Variants in SMOC2 observed in about 807,000 individuals in gnomAD.
The protein encoded by SMOC2 is SPARC-related modular calcium-binding protein 2.
A neutral mutation model predicts 61.4 loss-of-function variants in SMOC2; 39 were observed. The ratio of observed to expected loss-of-function variants is 0.64; its 90% CI spans 0.49 to 0.83. The LOEUF is 0.83. Among genes scored for constraint, SMOC2 ranks in the 40% least tolerant of loss-of-function variants. The pLI, the probability that SMOC2 is intolerant of heterozygous loss-of-function variation, is 0.00. For synonymous variants in SMOC2, 247 were observed against 239.9 expected (o/e 1.03, Z -0.27); for missense variants, 556 against 592.9 (o/e 0.94, Z 0.65).
intron 1 of SMOC2, among the ~76,000 whole-genome samples, chr6:168,446,451 G>A (rs1781334841): frequency 6.6e-6 from 1 of 152,216 alleles, no homozygotes; most frequent in Non-Finnish European, 1.5e-5. Context: ...TTTGAAGTTA[G>A]AGGAGAAAAT....
chr6:168,549,005 A>T (rs775744391), intron 6 of SMOC2, 124 bp from the exon 7 acceptor site: 13 of 714,106 alleles, frequency 1.8e-5, no homozygotes, highest in Non-Finnish European at 2.3e-5. Context: ...TTTCTTTACA[A>T]ATGTACAATG....
chr6:168,517,293 G>A (rs1057106675), intron 2 of SMOC2, among the ~76,000 whole-genome samples: 11 of 152,202 alleles, frequency 7.2e-5, no homozygotes, highest in Non-Finnish European at 1.0e-4. Context: ...GGCCAGCGGC[G>A]CCGTGGCCTG....
chr6:168,505,604 T>A (rs1446554156), intron 1 of SMOC2, among the ~76,000 whole-genome samples: 1 of 152,250 alleles, frequency 6.6e-6, no homozygotes, highest in African/African-American at 2.4e-5. Flanking sequence ...AATGACTGAA[T>A]GAAATGTCCG....
intron 1 of SMOC2, among the ~76,000 whole-genome samples, chr6:168,500,248 C>G (rs1211379107): frequency 1.4e-5 from 2 of 142,204 alleles, no homozygotes; most frequent in African/African-American, 5.3e-5. Context: ...GATCGCCCCA[C>G]TGCACTCCAG....
chr6:168,576,814 G>A (rs1287096280), intron 7 of SMOC2, among the ~76,000 whole-genome samples: 2 of 152,114 alleles, frequency 1.3e-5, no homozygotes, highest in Non-Finnish European at 2.9e-5. Flanking sequence ...CATCGTCGAT[G>A]TGAACACACA....
chr6:168,500,950 A>G (rs1583060664), intron 1 of SMOC2, among the ~76,000 whole-genome samples: 1 of 152,186 alleles, frequency 6.6e-6, no homozygotes, highest in East Asian at 1.9e-4. Context: ...GACCAAAAGC[A>G]TGACAAGACT....
At chr6:168,503,706 C>G (rs758923046) in intron 1 of SMOC2, among the ~76,000 whole-genome samples, 3 of 152,114 alleles carry the variant, frequency 2.0e-5, no homozygotes, top group Admixed American at 1.3e-4. Context: ...CAGAGCCCAG[C>G]GGCACCACCC....
intron 7 of SMOC2, among the ~76,000 whole-genome samples, chr6:168,563,186 C>A (rs1028215755): frequency 6.6e-6 from 1 of 152,094 alleles, no homozygotes; most frequent in Non-Finnish European, 1.5e-5. Context: ...GTGTTTAACT[C>A]ACACTGATCA....
At chr6:168,546,472 C>T (rs775298077) in intron 5 of SMOC2, among the ~76,000 whole-genome samples, 17 of 152,106 alleles carry the variant, frequency 1.1e-4, no homozygotes, top group Non-Finnish European at 1.8e-4. Flanking sequence ...TTGGAAAATG[C>T]GAGTCTATGG....
At chr6:168,609,804 A>G (rs1785808749) in intron 9 of SMOC2, among the ~76,000 whole-genome samples, 2 of 152,128 alleles carry the variant, frequency 1.3e-5, no homozygotes, top group Non-Finnish European at 2.9e-5. Flanking sequence ...GAAGAGTCCA[A>G]GATTCTTAAC....
intron 9 of SMOC2, among the ~76,000 whole-genome samples, chr6:168,613,062 T>C (rs2115213050): frequency 1.3e-5 from 2 of 152,338 alleles, no homozygotes; most frequent in Admixed American, 1.3e-4. Context: ...CGTATTCGAA[T>C]GAGCAGACTG....
intron 3 of SMOC2, among the ~76,000 whole-genome samples, chr6:168,526,701 TCA>T (rs1408895571): frequency 6.6e-6 from 1 of 152,226 alleles, no homozygotes; most frequent in Non-Finnish European, 1.5e-5. Context: ...CTGCTGTCAT[TCA>T]CACTTTCATT....
At chr6:168,569,889 C>T (rs966369212) in intron 7 of SMOC2, among the ~76,000 whole-genome samples, 1 of 152,238 alleles carries the variant, frequency 6.6e-6, no homozygotes, top group Non-Finnish European at 1.5e-5. Context: ...TTCTTTCATA[C>T]ATTGTGCCTT....
chr6:168,580,710 T>A (rs540835299), intron 7 of SMOC2, among the ~76,000 whole-genome samples: 1 of 152,194 alleles, frequency 6.6e-6, no homozygotes, highest in African/African-American at 2.4e-5. Context: ...TCTGGCTGAT[T>A]TTTTTCGTTT....
rs554129847 is a variant in SMOC2 at position 168,659,171 on chromosome 6, T to C, written c.1286-4903T>C. Among the ~76,000 whole-genome samples the C allele has an allele frequency of 2.0e-5, 3 of 152,228 alleles. No homozygotes were observed. The South Asian group carries it at 6.2e-4, about 32-fold the overall frequency. ...AGGGCAAATGTCTGGCATTCATCTA[T>C]GTGTCCTACTATTTTAAAACATAAT... On this transcript the variant is annotated intron_variant, in intron 11 of 12. Transcript: ENST00000356284.
chr6:168,464,071 A>G (rs1285092004), intron 1 of SMOC2, among the ~76,000 whole-genome samples: 2 of 151,680 alleles, frequency 1.3e-5, no homozygotes, highest in East Asian at 3.9e-4. Flanking sequence ...CACGCCTATA[A>G]TCCCAGCTAC....
Position 168,622,414 on chromosome 6 carries a change from T to TA in SMOC2, c.907+14186dup, listed in dbSNP as rs962054254. 1.1e-3 allele frequency among the ~76,000 whole-genome samples: 164 copies of TA among 145,544 alleles called. 1 individual carries two copies. The highest frequency in any genetic ancestry group is 7.5e-3 in the Admixed American group (109 of 14,622). ...ATTGTTCAATTAAACTCCTTTACAT[T>TA]AAAAAAAAAAAGACAAGGATAGTCC... On this transcript the variant is annotated intron_variant, in intron 9 of 12. Coordinates refer to ENST00000356284, the MANE Select transcript of SMOC2 (RefSeq NM_001166412.2).
At chr6:168,606,230 G>A (rs1785685263) in intron 8 of SMOC2, among the ~76,000 whole-genome samples, 1 of 152,188 alleles carries the variant, frequency 6.6e-6, no homozygotes, top group Non-Finnish European at 1.5e-5. Context: ...GTCCTTTACT[G>A]AGTTCGCCTT....
At chr6:168,536,443 G>A (rs1783735623) in intron 4 of SMOC2, among the ~76,000 whole-genome samples, 1 of 152,102 alleles carries the variant, frequency 6.6e-6, no homozygotes, top group South Asian at 2.1e-4. Context: ...GGGTCCCAGG[G>A]CACGGTGCCT....
Sources: allele counts gnomAD v4.1 joint callset (sites outside exome capture counted in the v4.1 genomes callset), GRCh38; gene constraint gnomAD v4.1.1; transcripts MANE v1.5; gene names NCBI Gene and HGNC (gene_info 2026-07-23, HGNC 2026-07-21).